Variants in CARMIL1 observed in about 807,000 individuals in gnomAD.
CARMIL1 encodes the protein F-actin-uncapping protein LRRC16A.
A neutral mutation model predicts 177.1 loss-of-function variants in CARMIL1; 90 were observed. The observed-to-expected ratio is 0.51, with a 90% CI of 0.43 to 0.61. The LOEUF (loss-of-function observed/expected upper bound fraction) is 0.61. Ranked by LOEUF, CARMIL1 falls within the 20% of genes least tolerant of loss-of-function variation. The probability of loss-of-function intolerance (pLI) is 0.00; values close to 1 mark genes in which losing one functional copy is unlikely to be tolerated. For missense variants in CARMIL1, 1,380 were observed against 1,667.0 expected (o/e 0.83, Z 3.00); for synonymous variants, 577 against 606.2 (o/e 0.95, Z 0.71).
intron 13 of CARMIL1, among the ~76,000 whole-genome samples, chr6:25,490,880 A>C (rs547328635): frequency 9.2e-5 from 14 of 152,218 alleles, no homozygotes; most frequent in African/African-American, 3.1e-4. Context: ...ACTGCTACAC[A>C]TAGTAAATGT....
At chr6:25,357,628 G>A (rs574364875) in intron 2 of CARMIL1, among the ~76,000 whole-genome samples, 1 of 152,166 alleles carries the variant, frequency 6.6e-6, no homozygotes, top group Admixed American at 6.5e-5. Flanking sequence ...TGAGTGTTAT[G>A]GAGTTATGAT....
chr6:25,529,547 A>C (rs1294555456), intron 24 of CARMIL1, among the ~76,000 whole-genome samples: 1 of 152,178 alleles, frequency 6.6e-6, no homozygotes, highest in Non-Finnish European at 1.5e-5. Context: ...GAACAAAGGA[A>C]TTGAGCTCAG....
In CARMIL1 at chr6:25,600,343, A is replaced by T. The variant is rs1466036425; in HGVS notation, c.3149A>T (p.His1050Leu). Residue 1050 changes from histidine to leucine, a missense_variant, in exon 33 of 37, where the codon CAT (histidine) becomes CTT (leucine). His to Leu is a moderately conservative substitution (Grantham distance 99). Transcript: ENST00000329474. ...TGGTCAACAAGAGGCTCAGAGTCCC[A>T]TGAGCTTAATGAAGGAGGAGATGAA... ...KKWSTRGSES[H>L]ELNEGGDEKK... 9 of 1,613,722 alleles carry T rather than the reference A, an allele frequency of 5.6e-6. No individual in the cohort carries two copies. In the Middle Eastern group the frequency reaches 6.6e-4, roughly 118 times the overall value.
At chr6:25,483,991 C>T (rs191405185) in intron 12 of CARMIL1, among the ~76,000 whole-genome samples, 69 of 152,272 alleles carry the variant, frequency 4.5e-4, no homozygotes, top group African/African-American at 1.5e-3. Flanking sequence ...CTCCTGAGCT[C>T]AAGCGATCTG....
chr6:25,385,285 C>G (rs1415716086), intron 2 of CARMIL1, among the ~76,000 whole-genome samples: 1 of 152,164 alleles, frequency 6.6e-6, no homozygotes, highest in Non-Finnish European at 1.5e-5. Context: ...CAAAGGTGCT[C>G]TGTGACAGAG....
chr6:25,355,094 G>A (rs957568852), intron 2 of CARMIL1, among the ~76,000 whole-genome samples: 10 of 152,180 alleles, frequency 6.6e-5, no homozygotes, highest in Admixed American at 1.3e-4. Flanking sequence ...GTCCAAAGGT[G>A]AGGCCATTAA....
intron 2 of CARMIL1, among the ~76,000 whole-genome samples, chr6:25,409,964 T>G (rs1204291360): frequency 6.6e-6 from 1 of 152,218 alleles, no homozygotes; most frequent in Non-Finnish European, 1.5e-5. Flanking sequence ...CTTAATTTCT[T>G]GATAGGATTA....
At chr6:25,367,233 C>T (rs1789923007) in intron 2 of CARMIL1, among the ~76,000 whole-genome samples, 6 of 151,972 alleles carry the variant, frequency 3.9e-5, no homozygotes, top group Admixed American at 3.3e-4. Flanking sequence ...CTTTTGGTTT[C>T]AATTTCTCTA....
intron 2 of CARMIL1, among the ~76,000 whole-genome samples, chr6:25,328,202 G>A (rs1303042913): frequency 6.6e-6 from 1 of 152,152 alleles, no homozygotes; most frequent in East Asian, 1.9e-4. Context: ...GAGGAGTTGT[G>A]GGGACTCACA....
intron 2 of CARMIL1, among the ~76,000 whole-genome samples, chr6:25,380,962 G>A (rs1340212839): frequency 2.6e-5 from 4 of 152,140 alleles, no homozygotes; most frequent in African/African-American, 9.7e-5. Context: ...TCTACTATAT[G>A]TGTGTTAGGA....
intron 2 of CARMIL1, among the ~76,000 whole-genome samples, chr6:25,362,583 G>A (rs1212140783): frequency 2.0e-5 from 3 of 151,704 alleles, no homozygotes; most frequent in Admixed American, 2.0e-4. Flanking sequence ...CTGAGGCAGG[G>A]GAATCACTTG....
chr6:25,304,299 T>C (rs1325170313), intron 2 of CARMIL1, among the ~76,000 whole-genome samples: 4 of 152,306 alleles, frequency 2.6e-5, no homozygotes, highest in African/African-American at 7.2e-5. Flanking sequence ...GGATGGGGAA[T>C]TGAATTCCTT....
At position 25,284,854 on chromosome 6, in the gene CARMIL1, T is replaced by C. The variant is rs763921920; in HGVS notation, c.83T>C (p.Val28Ala). 3 of 1,572,868 alleles carry C rather than the reference T, an allele frequency of 1.9e-6. No homozygotes were observed. Among genetic ancestry groups the C allele is most frequent in the Non-Finnish European group, 2.6e-6 (3 of 1,157,002 alleles). Residue 28 changes from valine to alanine, a missense_variant, in exon 2 of 37, where the codon GTG becomes GCG. By Grantham distance (64) the Val-to-Ala change is moderately conservative. Coordinates refer to ENST00000329474, the MANE Select transcript of CARMIL1 (RefSeq NM_017640.6). Reference protein sequence around the residue: ...DVIGRKIKISVKKKVKLEVKG... With the variant: ...DVIGRKIKISAKKKVKLEVKG... ...ATTGGCAGAAAGATAAAAATTTCAG[T>C]GAAGAAGAAAGTAAAGTTGGAAGTT...
chr6:25,333,041 G>A (rs1429461131), intron 2 of CARMIL1, among the ~76,000 whole-genome samples: 4 of 152,158 alleles, frequency 2.6e-5, no homozygotes, highest in Non-Finnish European at 4.4e-5. Context: ...ACACTCAGAT[G>A]TGATTCCTGC....
intron 2 of CARMIL1, among the ~76,000 whole-genome samples, chr6:25,402,453 A>G (rs1793972746): frequency 6.6e-6 from 1 of 152,200 alleles, no homozygotes; most frequent in Non-Finnish European, 1.5e-5. Flanking sequence ...TGTAGGGAAT[A>G]GGAGAATTAG....
chr6:25,509,863 T>C lies in CARMIL1; in HGVS notation c.1477+126T>C. On this transcript the variant is annotated intron_variant, in intron 18 of 36. Coordinates refer to ENST00000329474, the MANE Select transcript of CARMIL1 (RefSeq NM_017640.6). This position sits in a 1 kb window ranked among gnomAD's most constrained non-coding sequence, Gnocchi z 4.1. Reference sequence around the variant, plus strand: ...AAAAAATTGTTTTTTATTTTTTGACTAATAGGGCTTTTAAATTTAACAATG... The same window carrying C: ...AAAAAATTGTTTTTTATTTTTTGACCAATAGGGCTTTTAAATTTAACAATG... 2 of 636,862 alleles carry C rather than the reference T, an allele frequency of 3.1e-6. No individual in the cohort carries two copies. Among genetic ancestry groups the C allele is most frequent in the South Asian group, 3.9e-5 (2 of 50,770 alleles). 39.5% of individuals were successfully genotyped at this position (636,862 alleles called of 1,614,324 possible).
intron 11 of CARMIL1, 72 bp downstream of exon 11, chr6:25,472,593 C>A: frequency 8.2e-7 from 1 of 1,225,476 alleles, no homozygotes; most frequent in Non-Finnish European, 1.2e-6. Context: ...TTAGCCATGC[C>A]TGAAGAGCTG....
intron 2 of CARMIL1, among the ~76,000 whole-genome samples, chr6:25,296,893 T>TTATCTATCTATCTATC (rs6149486): frequency 2.9e-4 from 25 of 85,918 alleles, no homozygotes; most frequent in Admixed American, 4.7e-4. Context: ...ATATCTATCT[T>TTATCTATCTATCTATC]TATCTATCTA....
chr6:25,435,732 T>C, intron 5 of CARMIL1, 128 bp downstream of exon 5: 1 of 1,127,042 alleles, frequency 8.9e-7, no homozygotes, highest in Non-Finnish European at 1.2e-6. Context: ...CTCTTAAATA[T>C]TAAATATCAA....
Sources: allele counts gnomAD v4.1 joint callset (sites outside exome capture counted in the v4.1 genomes callset), GRCh38; gene constraint gnomAD v4.1.1; non-coding constraint Gnocchi (gnomAD v3.1); transcripts MANE v1.5; gene names NCBI Gene and HGNC (gene_info 2026-07-23, HGNC 2026-07-21).